Variants in TMTC2 observed in about 807,000 individuals in gnomAD.
TMTC2 encodes the protein protein O-mannosyl-transferase TMTC2.
TMTC2 carries 43 observed loss-of-function variants against 82.4 expected under a neutral mutation model. The ratio of observed to expected loss-of-function variants is 0.52; its 90% CI spans 0.41 to 0.67. The LOEUF is 0.67. Among genes scored for constraint, TMTC2 ranks in the 30% least tolerant of loss-of-function variants. The pLI, the probability that TMTC2 is intolerant of heterozygous loss-of-function variation, is 0.00. For synonymous variants in TMTC2, 408 were observed against 381.9 expected (o/e 1.07, Z -0.80); for missense variants, 919 against 1,012.4 (o/e 0.91, Z 1.25).
At chr12:83,104,299 G>A (rs1884326719) in intron 11 of TMTC2, among the ~76,000 whole-genome samples, 1 of 152,200 alleles carries the variant, frequency 6.6e-6, no homozygotes, top group Admixed American at 6.5e-5. Context: ...TGCCCCGTGG[G>A]GGGTTCTATG....
intron 4 of TMTC2, among the ~76,000 whole-genome samples, chr12:82,944,412 A>C (rs905635920): frequency 6.6e-6 from 1 of 151,658 alleles, no homozygotes; most frequent in African/African-American, 2.4e-5. Flanking sequence ...GTGAAACCCC[A>C]TCTCTACTAA....
At chr12:83,060,682 C>T (rs998485285) in intron 10 of TMTC2, among the ~76,000 whole-genome samples, 5 of 151,656 alleles carry the variant, frequency 3.3e-5, no homozygotes, top group African/African-American at 9.7e-5. Context: ...CCAGCTCAAC[C>T]TCCGCAAGCT....
chr12:83,029,432 C>G (rs1881329677), intron 8 of TMTC2, among the ~76,000 whole-genome samples: 1 of 152,096 alleles, frequency 6.6e-6, no homozygotes, highest in South Asian at 2.1e-4. Flanking sequence ...ATTAGACACC[C>G]CTAGTGTAGC....
At chr12:82,986,156 C>T (rs1879146465) in intron 8 of TMTC2, 110 bp downstream of exon 8, 1 of 1,440,790 alleles carries the variant, frequency 6.9e-7, no homozygotes, top group Admixed American at 1.8e-5. Context: ...ATTAGGGATG[C>T]AATGGTGGTG....
At chr12:83,072,462 T>C (rs1883151679) in intron 11 of TMTC2, among the ~76,000 whole-genome samples, 1 of 152,158 alleles carries the variant, frequency 6.6e-6, no homozygotes, top group South Asian at 2.1e-4. Context: ...AGCTGTTGAA[T>C]AGAATGTGTA....
chr12:82,966,671 A>G (rs1241832195), intron 6 of TMTC2, among the ~76,000 whole-genome samples: 1 of 152,114 alleles, frequency 6.6e-6, no homozygotes, highest in Non-Finnish European at 1.5e-5. Flanking sequence ...AATTTGTATT[A>G]AAAGAGCATT....
intron 10 of TMTC2, among the ~76,000 whole-genome samples, chr12:83,057,130 G>A (rs1479407020): frequency 6.6e-6 from 1 of 151,712 alleles, no homozygotes; most frequent in Non-Finnish European, 1.5e-5. Context: ...TGACATTGCC[G>A]ATACACATAC....
At chr12:82,897,228 T>G (rs556665643) in intron 3 of TMTC2, among the ~76,000 whole-genome samples, 1 of 152,364 alleles carries the variant, frequency 6.6e-6, no homozygotes, top group African/African-American at 2.4e-5. Flanking sequence ...AGCAAGTTTT[T>G]ACTTGAGTTC....
intron 1 of TMTC2, among the ~76,000 whole-genome samples, chr12:82,828,494 T>G (rs1411833339): frequency 2.6e-5 from 4 of 152,140 alleles, no homozygotes; most frequent in Non-Finnish European, 5.9e-5. Flanking sequence ...GCCACTGTAC[T>G]CAGCCAGGAT....
intron 4 of TMTC2, among the ~76,000 whole-genome samples, chr12:82,935,870 A>G (rs1190355479): frequency 6.6e-6 from 1 of 152,110 alleles, no homozygotes; most frequent in Non-Finnish European, 1.5e-5. Flanking sequence ...CTGAGAAGCT[A>G]AGAAATGAGC....
In TMTC2 at chr12:83,070,434, TA is replaced by T. The variant is rs1215098224; in HGVS notation, c.2331+8604del. 3.9e-5 allele frequency among the ~76,000 whole-genome samples: 6 copies of T among 152,070 alleles called. No individual in the cohort carries two copies. In the East Asian group the frequency reaches 7.7e-4, roughly 20 times the overall value. ...TTAGATGTATTCCTAAGTATTTTAT[TA>T]TTTTTTTTTTTGCAGCTATTGTAAA... On this transcript the variant is annotated intron_variant, in intron 11 of 11. Transcript: ENST00000321196.
chr12:83,062,743 C>A lies in TMTC2; in HGVS notation c.2331+912C>A, dbSNP rs531564235. 3.3e-5 allele frequency among the ~76,000 whole-genome samples: 5 copies of A among 151,850 alleles called. No homozygotes were observed. In the South Asian group the frequency reaches 1.0e-3, roughly 32 times the overall value. On this transcript the variant is annotated intron_variant, in intron 11 of 11. Transcript: ENST00000321196. ...TGTAGCAGACAAGACTGAACACAATCAACTAATTGAAATACAGTGTAGTGA... is the reference window on the plus strand; with the variant it reads ...TGTAGCAGACAAGACTGAACACAATAAACTAATTGAAATACAGTGTAGTGA...
intron 8 of TMTC2, among the ~76,000 whole-genome samples, chr12:83,011,309 G>C (rs753059894): frequency 8.5e-5 from 13 of 152,064 alleles, no homozygotes; most frequent in Non-Finnish European, 1.8e-4. Context: ...TCTGTGATTT[G>C]GGGCAAGTTA....
intron 3 of TMTC2, among the ~76,000 whole-genome samples, chr12:82,922,175 A>G (rs1371680318): frequency 2.6e-5 from 4 of 152,228 alleles, no homozygotes; most frequent in Non-Finnish European, 5.9e-5. Context: ...GGAGAATTTT[A>G]TTTCAATAAA....
intron 1 of TMTC2, among the ~76,000 whole-genome samples, chr12:82,743,055 G>A (rs1875501108): frequency 1.3e-5 from 2 of 152,190 alleles, no homozygotes; most frequent in Non-Finnish European, 1.5e-5. Context: ...CTGTGTGGCT[G>A]TAGACCTTGT....
In TMTC2 at chr12:82,862,703, GT is replaced by G. The variant is rs150202085; in HGVS notation, c.654+5127del. ...ATCTCTTTCTAGAAATAATTTTCTT[GT>G]TTTAATGCTAAGCAGAAAGTGAATG... On this transcript the variant is annotated intron_variant, in intron 2 of 11. Coordinates refer to ENST00000321196, the MANE Select transcript of TMTC2 (RefSeq NM_152588.3). 8.5e-3 allele frequency among the ~76,000 whole-genome samples: 1,292 copies of G among 152,220 alleles called. 14 individuals carry two copies. Among genetic ancestry groups the G allele is most frequent in the African/African-American group, 0.03 (1,232 of 41,536 alleles).
In TMTC2 at chr12:82,895,919, C is replaced by G; in HGVS notation, c.756C>G (p.Ser252Arg). The G allele has an allele frequency of 6.2e-7, 1 of 1,613,982 alleles. No individual in the cohort carries two copies. Among genetic ancestry groups the G allele is most frequent in the Non-Finnish European group, 8.5e-7 (1 of 1,180,010 alleles). The part of the protein sequence containing the change: ...RLYWMGNKPP[S>R]FSNSDNPAAD... ...ACTGGATGGGAAACAAACCACCAAG[C>G]TTTTCCAACTCGGACAACCCCGCTG... is the stretch of plus-strand genomic sequence containing the variant. Residue 252 changes from serine (S) to arginine (R), a missense_variant, in exon 3 of 12, where the codon AGC becomes AGG. Transcript: ENST00000321196.
At chr12:83,106,748 A>C (rs527814596) in intron 11 of TMTC2, among the ~76,000 whole-genome samples, 7 of 152,326 alleles carry the variant, frequency 4.6e-5, no homozygotes, top group Admixed American at 2.6e-4. Flanking sequence ...AGTCACTTTA[A>C]GCTGTTAAGA....
chr12:82,699,442 G>C (rs1295511775), intron 1 of TMTC2, among the ~76,000 whole-genome samples: 3 of 152,090 alleles, frequency 2.0e-5, no homozygotes, highest in African/African-American at 7.2e-5. Flanking sequence ...TTGGTACTTT[G>C]GTTCTGCTTG....
Sources: allele counts gnomAD v4.1 joint callset (sites outside exome capture counted in the v4.1 genomes callset), GRCh38; gene constraint gnomAD v4.1.1; transcripts MANE v1.5; gene names NCBI Gene and HGNC (gene_info 2026-07-23, HGNC 2026-07-21).